The following CADPS2 variants were observed in gnomAD, a reference collection of about 807,000 sequenced individuals.
CADPS2 encodes calcium dependent secretion activator 2.
A neutral mutation model predicts 172.5 loss-of-function variants in CADPS2; 93 were observed. The ratio of observed to expected loss-of-function variants is 0.54; its 90% CI spans 0.46 to 0.64. The LOEUF is 0.64. Ranked by LOEUF, CADPS2 falls within the 30% of genes least tolerant of loss-of-function variation. The pLI, the probability that CADPS2 is intolerant of heterozygous loss-of-function variation, is 0.00. For missense variants in CADPS2, 1,420 were observed against 1,565.9 expected, an observed-to-expected ratio of 0.91 and a Z score of 1.57; for synonymous variants, 546 against 555.2, an observed-to-expected ratio of 0.98 and a Z score of 0.23.
chr7:122,340,102 C>T (rs1224027047), intron 28 of CADPS2, among the ~76,000 whole-genome samples: 1 of 152,066 alleles, frequency 6.6e-6, no homozygotes, highest in Non-Finnish European at 1.5e-5. Flanking sequence ...AGTTTCTTCA[C>T]TGGAAAGTAA....
intron 2 of CADPS2, chr7:122,697,689 A>G (rs372454170): frequency 3.3e-6 from 3 of 902,394 alleles, no homozygotes; most frequent in Admixed American, 2.7e-5. Context: ...AGTAACAAAA[A>G]AGGACACAAA....
chr7:122,661,318 A>C (rs2080503946), intron 3 of CADPS2, among the ~76,000 whole-genome samples: 1 of 152,194 alleles, frequency 6.6e-6, no homozygotes, highest in African/African-American at 2.4e-5. Flanking sequence ...CTGAATTGCA[A>C]GTAGGTTTCA....
chr7:122,631,269 A>G (rs546099373), intron 3 of CADPS2, among the ~76,000 whole-genome samples: 9 of 152,336 alleles, frequency 5.9e-5, no homozygotes, highest in Admixed American at 5.2e-4. Context: ...AGCTTCAACA[A>G]AAAATAGCAT....
chr7:122,564,177 A>T (rs2066107732), intron 7 of CADPS2, among the ~76,000 whole-genome samples: 1 of 152,208 alleles, frequency 6.6e-6, no homozygotes, highest in Admixed American at 6.6e-5. Flanking sequence ...AAGGTCTAAC[A>T]ATCACAACAT....
At chr7:122,464,922 A>C (rs1464684285) in intron 14 of CADPS2, among the ~76,000 whole-genome samples, 1 of 152,224 alleles carries the variant, frequency 6.6e-6, no homozygotes, top group Non-Finnish European at 1.5e-5. Context: ...TTGATTTCTT[A>C]GTTTTGACAA....
intron 1 of CADPS2, among the ~76,000 whole-genome samples, chr7:122,738,261 TAAC>T (rs1225038975): frequency 6.6e-6 from 1 of 152,066 alleles, no homozygotes; most frequent in Non-Finnish European, 1.5e-5. Flanking sequence ...GTAAAAATAT[TAAC>T]AATTTCAAGA....
intron 6 of CADPS2, chr7:122,585,910 C>T (rs548870137): frequency 4.0e-4 from 60 of 151,864 alleles, no homozygotes; most frequent in African/African-American, 1.4e-3. Context: ...ATCTTTTAAC[C>T]TAGTAAGGTT....
intron 8 of CADPS2, among the ~76,000 whole-genome samples, chr7:122,529,636 A>G (rs1057082738): frequency 2.0e-5 from 3 of 152,038 alleles, no homozygotes; most frequent in Non-Finnish European, 4.4e-5. Flanking sequence ...TTTTAAATAT[A>G]TTTTTCCTCC....
chr7:122,665,003 T>A (rs371778725), intron 2 of CADPS2, among the ~76,000 whole-genome samples: 25,986 of 149,942 alleles, frequency 0.17, 3,047 homozygotes, highest in Non-Finnish European at 0.26. Context: ...CTCATTTATA[T>A]GACTCAGGCT....
At chr7:122,778,537 CA>C (rs1193395633) in intron 1 of CADPS2, among the ~76,000 whole-genome samples, 2 of 152,152 alleles carry the variant, frequency 1.3e-5, no homozygotes, top group African/African-American at 4.8e-5. Context: ...ATCATAGGCC[CA>C]GAGGCCTGGA....
intron 8 of CADPS2, among the ~76,000 whole-genome samples, chr7:122,534,606 TAG>T (rs1423417028): frequency 6.6e-6 from 1 of 152,072 alleles, no homozygotes; most frequent in Non-Finnish European, 1.5e-5. Flanking sequence ...CCCTAATATT[TAG>T]AGTTTGTAAA....
At chr7:122,883,256 C>T (rs1388615501) in intron 1 of CADPS2, among the ~76,000 whole-genome samples, 1 of 152,120 alleles carries the variant, frequency 6.6e-6, no homozygotes, top group Non-Finnish European at 1.5e-5. Flanking sequence ...AGTGAACGGG[C>T]TTTGACTAAA....
At chr7:122,855,175 G>A (rs889663084) in intron 1 of CADPS2, among the ~76,000 whole-genome samples, 2 of 152,172 alleles carry the variant, frequency 1.3e-5, no homozygotes, top group African/African-American at 4.8e-5. Context: ...TATTTTCCTG[G>A]AGGGATCATT....
chr7:122,707,617 C>T (rs1300562797), intron 2 of CADPS2, among the ~76,000 whole-genome samples: 2 of 151,792 alleles, frequency 1.3e-5, no homozygotes, highest in African/African-American at 4.8e-5. Flanking sequence ...TGCATTTAGG[C>T]TCAAACACTA....
chr7:122,344,638 A>G (rs2037297290), intron 28 of CADPS2, among the ~76,000 whole-genome samples: 1 of 152,192 alleles, frequency 6.6e-6, no homozygotes, highest in Non-Finnish European at 1.5e-5. Flanking sequence ...ACTGCAGCTT[A>G]TTTGTTTGTT....
rs73717667 is a variant in CADPS2 at position 122,518,507 on chromosome 7, G to T, written c.1476-5192C>A. The stretch of plus-strand genomic sequence containing the variant: ...GGCATTTTACTGCTTCATAAAGTAT[G>T]AGTCTACCAAATAAACATATAGAAA... On this transcript the variant is annotated intron_variant, in intron 8 of 29. Transcript: ENST00000449022. Among the ~76,000 whole-genome samples the T allele has an allele frequency of 4.0e-3, 612 of 152,128 alleles. 6 individuals are homozygous for T. The highest frequency in any genetic ancestry group is 0.014 in the African/African-American group (587 of 41,532).
In CADPS2 at chr7:122,755,224, T is replaced by C. The variant is rs115699109; in HGVS notation, c.340-18156A>G. On this transcript the variant is annotated intron_variant, in intron 1 of 29. Transcript: ENST00000449022. ...TTGTTTTGCATGTTGCATGTAAACA[T>C]TATCAAGTTATGCCAAGGTACCAAG... is the stretch of plus-strand genomic sequence containing the variant. Among the ~76,000 whole-genome samples the C allele has an allele frequency of 4.4e-3, 666 of 152,324 alleles. 5 individuals carry two copies. The highest frequency in any genetic ancestry group is 0.015 in the African/African-American group (641 of 41,578).
intron 18 of CADPS2, among the ~76,000 whole-genome samples, 158 bp downstream of exon 18, chr7:122,415,903 T>C (rs576377838): frequency 3.3e-5 from 5 of 152,346 alleles, no homozygotes; most frequent in Non-Finnish European, 7.3e-5. Context: ...TGCAATGGGA[T>C]GTACAGTGAT....
intron 8 of CADPS2, among the ~76,000 whole-genome samples, chr7:122,542,184 G>C (rs1291832817): frequency 6.6e-6 from 1 of 151,934 alleles, no homozygotes; most frequent in African/African-American, 2.4e-5. Flanking sequence ...GGCACAGGGA[G>C]GTTAAGTAAC....
Sources: gnomAD v4.1 joint callset for allele counts (sites outside exome capture counted in the v4.1 genomes callset) on GRCh38, gnomAD v4.1.1 for gene constraint, MANE v1.5 for transcripts, NCBI Gene and HGNC (gene_info 2026-07-23, HGNC 2026-07-21) for gene names.